Variants in ZNF383 observed in about 807,000 individuals in gnomAD.
The protein encoded by ZNF383 is zinc finger protein 383.
ZNF383 carries 32 observed loss-of-function variants against 44.2 expected under a neutral mutation model. That is an observed-to-expected ratio of 0.72 (90% CI 0.55 to 0.97). ZNF383 has a LOEUF of 0.97. ZNF383 is among the 50% of genes least tolerant of loss of function. The pLI is 0.00. For missense variants in ZNF383, 487 were observed against 562.5 expected (o/e 0.87, Z 1.36); for synonymous variants, 155 against 186.2 (o/e 0.83, Z 1.36).
intron 1 of ZNF383, among the ~76,000 whole-genome samples, chr19:37,223,630 G>T (rs1261051746): frequency 6.6e-6 from 1 of 152,092 alleles, no homozygotes; most frequent in African/African-American, 2.4e-5. Flanking sequence ...AATTGTGATA[G>T]ATATTTAAAA....
At chr19:37,235,516 T>C (rs1466328809) in intron 3 of ZNF383, 33 bp from the exon 4 acceptor site, 1 of 1,612,810 alleles carries the variant, frequency 6.2e-7, no homozygotes. Context: ...ATTTTTTTAA[T>C]TACACAAGTA....
At chr19:37,233,886 C>A (rs986399871) in intron 3 of ZNF383, among the ~76,000 whole-genome samples, 2 of 151,368 alleles carry the variant, frequency 1.3e-5, no homozygotes, top group South Asian at 4.2e-4. Flanking sequence ...TTTTTCGAGA[C>A]GGAGTTTCGC....
At chr19:37,229,698 G>A (rs200409436) in intron 2 of ZNF383, among the ~76,000 whole-genome samples, 6 of 137,452 alleles carry the variant, frequency 4.4e-5, no homozygotes, top group Admixed American at 1.5e-4. Flanking sequence ...GTATATATAT[G>A]TATATATATA....
chr19:37,247,259 CTG>C lies in ZNF383; in HGVS notation c.*3596_*3597del, dbSNP rs1974403990. On this transcript the variant is annotated 3_prime_UTR_variant, in exon 6 of 6. Transcript: ENST00000684119. ...GGCAGAAATAATTGAAAGAAAAAAA[CTG>C]GATCTGAATCCAAAATTGATATTTG... The C allele has an allele frequency of 6.6e-6, 1 of 151,836 alleles. No individual in the cohort carries two copies. Among genetic ancestry groups the C allele is most frequent in the South Asian group, 2.1e-4 (1 of 4,802 alleles). 9.4% of individuals were successfully genotyped at this position (151,836 alleles called of 1,614,324 possible).
intron 5 of ZNF383, among the ~76,000 whole-genome samples, chr19:37,239,154 A>G (rs1296026799): frequency 2.0e-5 from 3 of 152,110 alleles, no homozygotes; most frequent in Admixed American, 2.0e-4. Context: ...TTGTGACCTC[A>G]TGATCCACCT....
intron 1 of ZNF383, among the ~76,000 whole-genome samples, chr19:37,222,628 T>A (rs1019966413): frequency 1.3e-5 from 2 of 152,212 alleles, no homozygotes; most frequent in African/African-American, 2.4e-5. Context: ...TCCGCCCGCC[T>A]CGGCCTCCCA....
intron 1 of ZNF383, among the ~76,000 whole-genome samples, chr19:37,221,935 G>A (rs1179506806): frequency 2.9e-5 from 4 of 136,772 alleles, no homozygotes; most frequent in Non-Finnish European, 4.5e-5. Context: ...CAGCCTGGCC[G>A]ACAGAGCGAG....
Position 37,245,601 on chromosome 19 carries a change from A to T in ZNF383, c.*1937A>T, listed in dbSNP as rs988091571. On this transcript the variant is annotated 3_prime_UTR_variant, in exon 6 of 6. Coordinates refer to ENST00000684119, the MANE Select transcript of ZNF383 (RefSeq NM_001387601.1). Reference sequence around the variant, plus strand: ...GCGATTCTCCTGCCTCAGCCTTCCTAGTATCTGAGACTACAGGCGCACGAC... The same window carrying T: ...GCGATTCTCCTGCCTCAGCCTTCCTTGTATCTGAGACTACAGGCGCACGAC... The T allele has an allele frequency of 6.6e-6, 1 of 151,120 alleles. No individual in the cohort carries two copies. The highest frequency in any genetic ancestry group is 2.0e-4 in the East Asian group (1 of 5,044). The allele number at this position is 151,120 out of a possible 1,614,324, so 9.4% of individuals were successfully genotyped here. A position where few individuals can be genotyped will look rare whatever the true frequency, so the allele number is the denominator to read the frequency against.
At chr19:37,221,021 A>G (rs898199611) in intron 1 of ZNF383, among the ~76,000 whole-genome samples, 2 of 152,148 alleles carry the variant, frequency 1.3e-5, no homozygotes, top group Non-Finnish European at 2.9e-5. Flanking sequence ...CTGCTGTGAA[A>G]ATGTTTTTAC....
At chr19:37,241,613 C>G (rs1186051150) in intron 5 of ZNF383, among the ~76,000 whole-genome samples, 1 of 152,118 alleles carries the variant, frequency 6.6e-6, no homozygotes, top group African/African-American at 2.4e-5. Flanking sequence ...CTACACTTCT[C>G]AGAGGTCAAG....
chr19:37,230,334 A>G, intron 2 of ZNF383, 75 bp from the exon 3 acceptor site: 1 of 1,016,020 alleles, frequency 9.8e-7, no homozygotes, highest in Non-Finnish European at 1.5e-6. Flanking sequence ...AGGTGGTTTT[A>G]TCTGACCTCT....
chr19:37,241,957 G>T (rs1568531897), intron 5 of ZNF383, among the ~76,000 whole-genome samples: 2 of 139,174 alleles, frequency 1.4e-5, no homozygotes, highest in Non-Finnish European at 3.1e-5. Flanking sequence ...ATCTATATAA[G>T]TATATATATA....
intron 5 of ZNF383, among the ~76,000 whole-genome samples, chr19:37,240,240 T>A (rs1198614528): frequency 6.6e-6 from 1 of 152,166 alleles, no homozygotes; most frequent in Non-Finnish European, 1.5e-5. Context: ...TGTTCCTGTT[T>A]TGAGATACTC....
At chr19:37,221,883 G>A (rs1257023305) in intron 1 of ZNF383, among the ~76,000 whole-genome samples, 15 of 150,338 alleles carry the variant, frequency 1.0e-4, no homozygotes, top group Admixed American at 8.6e-4. Flanking sequence ...GTGAACCCGG[G>A]AGGTGGAGCT....
At chr19:37,235,712 C>G in intron 4 of ZNF383, 37 bp downstream of exon 4, 1 of 1,544,238 alleles carries the variant, frequency 6.5e-7, no homozygotes, top group Non-Finnish European at 8.7e-7. Context: ...CAGTTCTCCT[C>G]TGGAATGTCT....
chr19:37,241,758 T>A (rs1974093074), intron 5 of ZNF383, among the ~76,000 whole-genome samples: 1 of 151,944 alleles, frequency 6.6e-6, no homozygotes. Context: ...ATTCCAAGTG[T>A]TTTTGAAGCT....
At chr19:37,234,866 C>A (rs188565952) in intron 3 of ZNF383, among the ~76,000 whole-genome samples, 1 of 152,188 alleles carries the variant, frequency 6.6e-6, no homozygotes, top group Non-Finnish European at 1.5e-5. Flanking sequence ...TTTGGTATAA[C>A]AAGACGTTCA....
chr19:37,237,047 G>C (rs961436453), intron 5 of ZNF383, among the ~76,000 whole-genome samples: 11 of 151,284 alleles, frequency 7.3e-5, no homozygotes, highest in Non-Finnish European at 4.4e-5. Context: ...CATTATAGCT[G>C]CCTGTCAGTG....
intron 5 of ZNF383, among the ~76,000 whole-genome samples, chr19:37,238,929 G>GT (rs1406981043): frequency 2.6e-5 from 4 of 151,832 alleles, no homozygotes; most frequent in South Asian, 2.1e-4. Context: ...CATCTTTTTG[G>GT]TTTTTTTTGA....
Sources: gnomAD v4.1 joint callset for allele counts (sites outside exome capture counted in the v4.1 genomes callset) on GRCh38, gnomAD v4.1.1 for gene constraint, MANE v1.5 for transcripts, NCBI Gene and HGNC (gene_info 2026-07-23, HGNC 2026-07-21) for gene names.